The following MYPN variants were observed in gnomAD, a reference collection of about 807,000 sequenced individuals.
MYPN encodes myopalladin.
In MYPN, 63 loss-of-function variants were observed where a neutral mutation model predicts 129.4. That is an observed-to-expected ratio of 0.49 (90% CI 0.40 to 0.60). The LOEUF (loss-of-function observed/expected upper bound fraction) is 0.60, where lower values mean the gene tolerates loss of function less well. Among genes scored for constraint, MYPN ranks in the 20% least tolerant of loss-of-function variants. The probability of loss-of-function intolerance (pLI) is 0.00; values close to 1 mark genes in which losing one functional copy is unlikely to be tolerated. For missense variants in MYPN, 1,596 were observed against 1,635.4 expected (o/e 0.98, Z 0.42); for synonymous variants, 629 against 600.9 (o/e 1.05, Z -0.68).
chr10:68,163,712 T>G (rs895719837), intron 8 of MYPN, among the ~76,000 whole-genome samples: 7 of 152,198 alleles, frequency 4.6e-5, no homozygotes, highest in African/African-American at 1.7e-4. Context: ...AACAGTCTTA[T>G]GATCCTAATG....
At chr10:68,088,468 G>A (rs2041916615) in intron 1 of MYPN, among the ~76,000 whole-genome samples, 1 of 152,140 alleles carries the variant, frequency 6.6e-6, no homozygotes, top group South Asian at 2.1e-4. Flanking sequence ...AGAATATTCT[G>A]TATTATTGTT....
chr10:68,211,267 C>T lies in MYPN; in HGVS notation c.*812C>T, dbSNP rs1193264981. 1 of 454,070 alleles carries T rather than the reference C, an allele frequency of 2.2e-6. No individual in the cohort carries two copies. The allele number at this position is 454,070 out of a possible 1,614,324, so 28.1% of individuals were successfully genotyped here. On this transcript the variant is annotated 3_prime_UTR_variant, in exon 20 of 20. Transcript: ENST00000358913. ...ATCCTCTGTGGGGTCACTTTAAAAA[C>T]TACTAGCTTCAACTACCACTTACAA...
At chr10:68,125,485 A>G (rs532862108) in intron 2 of MYPN, among the ~76,000 whole-genome samples, 21 of 152,342 alleles carry the variant, frequency 1.4e-4, no homozygotes, top group South Asian at 6.2e-4. Flanking sequence ...CAGAATTTAT[A>G]TAACTCCAAT....
At chr10:68,121,203 A>G (rs1040219613) in intron 1 of MYPN, among the ~76,000 whole-genome samples, 2 of 152,168 alleles carry the variant, frequency 1.3e-5, no homozygotes, top group African/African-American at 4.8e-5. Context: ...GCTTGAGCCC[A>G]TGAGGTGGAG....
chr10:68,136,589 TG>T (rs2042490892), intron 2 of MYPN: 1 of 1,499,292 alleles, frequency 6.7e-7, no homozygotes, highest in African/African-American at 1.4e-5. Context: ...GGTTACCGAT[TG>T]TTTTTTTAGG....
chr10:68,182,254 CATATATATATA>C (rs1564686486), intron 12 of MYPN, among the ~76,000 whole-genome samples: 26 of 108,110 alleles, frequency 2.4e-4, no homozygotes, highest in Non-Finnish European at 4.3e-4. Flanking sequence ...ATATAACACA[CATATATATATA>C]ACATATATAT....
rs71009010 is a variant in MYPN at position 68,157,670 on chromosome 10, CAAAAAAAAA to C, written c.1318-802_1318-794del. Among the ~76,000 whole-genome samples the C allele has an allele frequency of 5.4e-4, 46 of 84,888 alleles. No individual in the cohort carries two copies. In the Admixed American group the frequency reaches 5.6e-3, roughly 10 times the overall value. 55.7% of individuals were successfully genotyped at this position (84,888 alleles called of 152,430 possible). ...GCAACATGGCAAAACCCTGTCTCTA[CAAAAAAAAA>C]AAAAAAAAAAAAATTAGCCGGGCGT... On this transcript the variant is annotated intron_variant, in intron 6 of 19. Coordinates refer to ENST00000358913, the MANE Select transcript of MYPN (RefSeq NM_032578.4).
chr10:68,204,116 C>A (rs546039495), intron 18 of MYPN, among the ~76,000 whole-genome samples: 1 of 152,330 alleles, frequency 6.6e-6, no homozygotes, highest in East Asian at 1.9e-4. Context: ...CTTCTACCAG[C>A]AACTGTTGCA....
chr10:68,095,218 C>A (rs982279107), intron 1 of MYPN, among the ~76,000 whole-genome samples: 1 of 151,636 alleles, frequency 6.6e-6, no homozygotes, highest in Non-Finnish European at 1.5e-5. Flanking sequence ...GGTGTGGAGT[C>A]ACATATCTGT....
intron 2 of MYPN, among the ~76,000 whole-genome samples, chr10:68,139,882 G>A (rs1013967563): frequency 6.6e-6 from 1 of 152,114 alleles, no homozygotes; most frequent in Non-Finnish European, 1.5e-5. Context: ...AGACCAATAC[G>A]GTCCTCTCGT....
At chr10:68,182,069 C>A (rs1221185305) in intron 12 of MYPN, among the ~76,000 whole-genome samples, 1 of 151,784 alleles carries the variant, frequency 6.6e-6, no homozygotes, top group Non-Finnish European at 1.5e-5. Flanking sequence ...TGTCCTTAAG[C>A]ACCTGCTTTG....
intron 13 of MYPN, among the ~76,000 whole-genome samples, chr10:68,191,096 G>A (rs962543572): frequency 1.3e-5 from 2 of 151,970 alleles, no homozygotes; most frequent in African/African-American, 4.8e-5. Flanking sequence ...ATAGCTTTAA[G>A]GTATAATTTG....
intron 4 of MYPN, among the ~76,000 whole-genome samples, chr10:68,147,368 G>A (rs2134084930): frequency 6.6e-6 from 1 of 152,214 alleles, no homozygotes; most frequent in East Asian, 1.9e-4. Flanking sequence ...TATTGGCCAG[G>A]CTGGTCTTGA....
chr10:68,121,873 G>A lies in MYPN; in HGVS notation c.435G>A (p.Gln145=), dbSNP rs2133994889. The change falls in exon 2 of 20, where the codon CAG becomes CAA. Residue 145 remains glutamine, a synonymous_variant. Transcript: ENST00000358913. ...GGCCACAGTATTGTTCTGAAACCCA[G>A]TCCAAAAAAGTATTTTTAAATAAGG... ...AKRPQYCSET[Q]SKKVFLNKAA... is the part of the protein sequence containing the mutation. 1.2e-6 allele frequency: 2 copies of A among 1,614,150 alleles called. No individual in the cohort carries two copies.
At chr10:68,206,340 A>C (rs1359449498) in intron 18 of MYPN, among the ~76,000 whole-genome samples, 2 of 152,186 alleles carry the variant, frequency 1.3e-5, no homozygotes, top group Non-Finnish European at 2.9e-5. Context: ...TGGAAGCTGC[A>C]CGAGCCCAGC....
intron 6 of MYPN, among the ~76,000 whole-genome samples, chr10:68,152,776 G>A (rs2817757): frequency 0.7 from 106,751 of 151,552 alleles, 38,267 homozygotes; most frequent in Non-Finnish European, 0.76. Flanking sequence ...AGCTGGAATA[G>A]CAGGCGTCCA....
chr10:68,190,832 G>C (rs2043498922), intron 13 of MYPN, among the ~76,000 whole-genome samples: 1 of 152,164 alleles, frequency 6.6e-6, no homozygotes, highest in Non-Finnish European at 1.5e-5. Context: ...TGGCACTTAA[G>C]TCTTTAATGT....
intron 12 of MYPN, among the ~76,000 whole-genome samples, chr10:68,180,976 C>CT (rs1367659358): frequency 6.6e-6 from 1 of 152,132 alleles, no homozygotes; most frequent in Non-Finnish European, 1.5e-5. Flanking sequence ...ATATTTTTAG[C>CT]TTTTCATTTC....
At chr10:68,113,982 A>G (rs10997935) in intron 1 of MYPN, among the ~76,000 whole-genome samples, 53,873 of 151,998 alleles carry the variant, frequency 0.35, 10,531 homozygotes, top group East Asian at 0.65. Flanking sequence ...GTACAGCAAG[A>G]CTCCATAATT....
Sources: allele counts gnomAD v4.1 joint callset (sites outside exome capture counted in the v4.1 genomes callset), GRCh38; gene constraint gnomAD v4.1.1; transcripts MANE v1.5; gene names NCBI Gene and HGNC (gene_info 2026-07-23, HGNC 2026-07-21).